Variants in ARHGAP19 observed in about 807,000 individuals in gnomAD.
The protein encoded by ARHGAP19 is Rho GTPase activating protein 19.
ARHGAP19 carries 48 observed loss-of-function variants against 60.9 expected under a neutral mutation model. The ratio of observed to expected loss-of-function variants is 0.79; its 90% CI spans 0.62 to 1.00. The LOEUF (loss-of-function observed/expected upper bound fraction) is 1.00. Ranked by LOEUF, ARHGAP19 falls within the 50% of genes least tolerant of loss-of-function variation. ARHGAP19 has a pLI of 0.00. For missense variants in ARHGAP19, 562 were observed against 597.2 expected (o/e 0.94, Z 0.61); for synonymous variants, 209 against 215.5 (o/e 0.97, Z 0.27).
intron 1 of ARHGAP19, among the ~76,000 whole-genome samples, chr10:97,274,002 T>G (rs1487684834): frequency 2.0e-5 from 3 of 151,626 alleles, no homozygotes; most frequent in Admixed American, 6.6e-5. Flanking sequence ...CACAGACAAC[T>G]ACATACTATA....
intron 1 of ARHGAP19, among the ~76,000 whole-genome samples, chr10:97,284,257 G>A (rs182217823): frequency 1.5e-3 from 234 of 152,044 alleles, no homozygotes; most frequent in Admixed American, 3.6e-3. Context: ...TAAGTAGCTG[G>A]GATTACAGAT....
At chr10:97,268,738 C>T (rs190111639) in intron 1 of ARHGAP19, among the ~76,000 whole-genome samples, 1 of 152,278 alleles carries the variant, frequency 6.6e-6, no homozygotes, top group East Asian at 1.9e-4. Context: ...GATTCAATTA[C>T]CTCCCACTGG....
At chr10:97,279,885 C>T (rs1399985931) in intron 1 of ARHGAP19, among the ~76,000 whole-genome samples, 1 of 152,146 alleles carries the variant, frequency 6.6e-6, no homozygotes, top group African/African-American at 2.4e-5. Context: ...TTAACCTAAA[C>T]ATTTTTGGAA....
At chr10:97,243,488 T>C (rs933821408) in intron 8 of ARHGAP19, among the ~76,000 whole-genome samples, 2 of 152,214 alleles carry the variant, frequency 1.3e-5, no homozygotes, top group South Asian at 2.1e-4. Flanking sequence ...TCCTGATTTA[T>C]TGTGTTCTCT....
intron 6 of ARHGAP19, 111 bp from the exon 7 acceptor site, chr10:97,246,448 A>T (rs1169628007): frequency 7.2e-6 from 6 of 831,036 alleles, no homozygotes; most frequent in Admixed American, 4.7e-5. Flanking sequence ...GATTACTTTT[A>T]AAAAGCCAAA....
chr10:97,227,044 G>T (rs565193104), intron 11 of ARHGAP19, among the ~76,000 whole-genome samples: 12 of 152,306 alleles, frequency 7.9e-5, no homozygotes, highest in Non-Finnish European at 1.3e-4. Context: ...GGCCAGGAAG[G>T]CTGCTCATCA....
intron 4 of ARHGAP19, among the ~76,000 whole-genome samples, chr10:97,261,274 G>C (rs1842826748): frequency 1.3e-5 from 2 of 151,810 alleles, no homozygotes; most frequent in Admixed American, 1.3e-4. Flanking sequence ...TCCAGGTTTA[G>C]GAAGGGCAGG....
At chr10:97,271,375 A>G (rs1842957712) in intron 1 of ARHGAP19, among the ~76,000 whole-genome samples, 1 of 152,092 alleles carries the variant, frequency 6.6e-6, no homozygotes, top group African/African-American at 2.4e-5. Flanking sequence ...AAAAGTAATA[A>G]TAAAATACAA....
chr10:97,235,383 A>G (rs1851111609), intron 8 of ARHGAP19, 68 bp from the exon 9 acceptor site: 2 of 1,352,006 alleles, frequency 1.5e-6, no homozygotes, highest in Admixed American at 3.6e-5. Flanking sequence ...TGTGACAACT[A>G]ATAGCTAAGT....
At chr10:97,281,564 A>G (rs2134919990) in intron 1 of ARHGAP19, among the ~76,000 whole-genome samples, 1 of 152,348 alleles carries the variant, frequency 6.6e-6, no homozygotes, top group East Asian at 1.9e-4. Flanking sequence ...GTCATTTAAA[A>G]TCAATCCAAT....
chr10:97,230,150 A>AAT lies in ARHGAP19; in HGVS notation c.1285-278_1285-277dup, dbSNP rs1271267811. On this transcript the variant is annotated intron_variant, in intron 9 of 11. Coordinates refer to ENST00000358531, the MANE Select transcript of ARHGAP19 (RefSeq NM_032900.6). The stretch of plus-strand genomic sequence containing the variant: ...ACTTTATAGTTGATTTAAACAAGCT[A>AAT]ATATAGGTCAATTACAGTGTGCCTC... Among the ~76,000 whole-genome samples the AAT allele has an allele frequency of 3.9e-5, 6 of 152,368 alleles. No individual in the cohort carries two copies. The South Asian group carries it at 6.2e-4, about 16-fold the overall frequency.
chr10:97,241,872 T>C (rs2134834083), intron 8 of ARHGAP19, among the ~76,000 whole-genome samples: 1 of 151,596 alleles, frequency 6.6e-6, no homozygotes, highest in African/African-American at 2.4e-5. Flanking sequence ...TAGCCGGGCA[T>C]GGTGGCGGGC....
intron 7 of ARHGAP19, among the ~76,000 whole-genome samples, chr10:97,245,535 C>T (rs899382665): frequency 5.4e-5 from 8 of 147,098 alleles, no homozygotes; most frequent in African/African-American, 1.7e-4. Context: ...GGTGAGAGAA[C>T]CAGGGAGCCA....
At chr10:97,283,031 C>T (rs541629573) in intron 1 of ARHGAP19, among the ~76,000 whole-genome samples, 169 of 150,548 alleles carry the variant, frequency 1.1e-3, no homozygotes, top group African/African-American at 3.8e-3. Flanking sequence ...TTAGTAGAGA[C>T]GGGGTTTCAC....
intron 1 of ARHGAP19, among the ~76,000 whole-genome samples, chr10:97,289,010 G>A (rs1272837737): frequency 6.6e-6 from 1 of 151,178 alleles, no homozygotes; most frequent in Non-Finnish European, 1.5e-5. Flanking sequence ...GTAGAGACAG[G>A]GTTTCACTGT....
In ARHGAP19 at chr10:97,264,815, A is replaced by G. The variant is rs793524; in HGVS notation, c.403+11T>C. The stretch of plus-strand genomic sequence containing the variant: ...TTAAACAAAGAATGATAAAATTTCA[A>G]GTAGTCTTACTTTTGTGTAGATACT... On this transcript the variant is annotated intron_variant, in intron 3 of 11. Coordinates refer to ENST00000358531, the MANE Select transcript of ARHGAP19 (RefSeq NM_032900.6). 0.31 allele frequency: 488,700 copies of G among 1,587,376 alleles called. 77,512 individuals are homozygous for G. Among genetic ancestry groups the G allele is most frequent in the African/African-American group, 0.41 (30,745 of 74,276 alleles).
chr10:97,248,936 G>A (rs1842602546), intron 6 of ARHGAP19, among the ~76,000 whole-genome samples: 1 of 152,080 alleles, frequency 6.6e-6, no homozygotes, highest in South Asian at 2.1e-4. Context: ...TACCACCGTA[G>A]CCTCTGAGTA....
chr10:97,248,209 G>C (rs762692271), intron 6 of ARHGAP19, among the ~76,000 whole-genome samples: 1 of 152,108 alleles, frequency 6.6e-6, no homozygotes, highest in Non-Finnish European at 1.5e-5. Context: ...GAGCCCAGGA[G>C]TTTGAGACCA....
intron 1 of ARHGAP19, among the ~76,000 whole-genome samples, chr10:97,266,693 C>A (rs771982342): frequency 5.5e-4 from 84 of 152,254 alleles, no homozygotes; most frequent in Non-Finnish European, 9.3e-4. Flanking sequence ...GGAGGCCTCA[C>A]AATCATGGCA....
Sources: gnomAD v4.1 joint callset for allele counts (sites outside exome capture counted in the v4.1 genomes callset) on GRCh38, gnomAD v4.1.1 for gene constraint, MANE v1.5 for transcripts, NCBI Gene and HGNC (gene_info 2026-07-23, HGNC 2026-07-21) for gene names.